Variants in AMBP observed in about 807,000 individuals in gnomAD.
AMBP encodes the protein alpha-1-microglobulin/bikunin precursor.
A neutral mutation model predicts 46.3 loss-of-function variants in AMBP; 37 were observed. The observed-to-expected ratio is 0.80, with a 90% CI of 0.61 to 1.05. The LOEUF is 1.05. AMBP is among the 50% of genes least tolerant of loss of function. AMBP has a pLI of 0.00. For synonymous variants in AMBP, 174 were observed against 175.9 expected, an observed-to-expected ratio of 0.99 and a Z score of 0.09; for missense variants, 475 against 461.2, an observed-to-expected ratio of 1.03 and a Z score of -0.27.
At chr9:114,069,583 C>G in intron 6 of AMBP, 116 bp downstream of exon 6, 1 of 1,030,648 alleles carries the variant, frequency 9.7e-7, no homozygotes, top group Non-Finnish European at 1.4e-6. Context: ...TCGCTGCCTT[C>G]TCTCACCCCC....
intron 6 of AMBP, 84 bp downstream of exon 6, chr9:114,069,615 C>A (rs1287294422): frequency 1.0e-5 from 14 of 1,356,630 alleles, no homozygotes; most frequent in Non-Finnish European, 1.0e-5. Flanking sequence ...CTGCCTCCCC[C>A]CGCAGCAGGA....
At position 114,061,087 on chromosome 9, in the gene AMBP, G is replaced by A; in HGVS notation, c.865C>T (p.Leu289Phe). 1 of 1,614,122 alleles carries A rather than the reference G, an allele frequency of 6.2e-7. No individual in the cohort carries two copies. Among genetic ancestry groups the A allele is most frequent in the Non-Finnish European group, 8.5e-7 (1 of 1,180,016 alleles). Residue 289 changes from leucine to phenylalanine, a missense_variant, in exon 9 of 10, where the codon CTC becomes TTC. By Grantham distance (22) the Leu-to-Phe change is conservative. Around this residue, in one of 3 missense-constraint regions of AMBP, gnomAD observed 293 missense variants for 276.9 expected, o/e 1.06. Coordinates refer to ENST00000265132, the MANE Select transcript of AMBP (RefSeq NM_001633.4). ...QTCRTVAACN[L>F]PIVRGPCRAF... ...CGGCAGGGGCCCCGGACTATGGGGAGATTGCAGGCCGCTGTGGAGTGGAGA... is the reference window on the plus strand; with the variant it reads ...CGGCAGGGGCCCCGGACTATGGGGAAATTGCAGGCCGCTGTGGAGTGGAGA...
rs1564374230 is a variant in AMBP at position 114,078,192 on chromosome 9, G to T, written c.18C>A (p.Ala6=). ...GGCAGGCGCTCAGCAGCAAGAGCAG[G>T]GCCCCGAGGCTCCTCATGGCTATGG... is the stretch of plus-strand genomic sequence containing the variant. MRSLG[A]LLLLLSACLA... The change falls in exon 1 of 10, where the codon GCC becomes GCA. Residue 6 remains alanine, a synonymous_variant. Transcript: ENST00000265132. 1.9e-6 allele frequency: 3 copies of T among 1,612,722 alleles called. No individual in the cohort carries two copies. Among genetic ancestry groups the T allele is most frequent in the Non-Finnish European group, 2.5e-6 (3 of 1,179,976 alleles).
intron 6 of AMBP, among the ~76,000 whole-genome samples, chr9:114,068,808 TA>T (rs34177397): frequency 0.3 from 28,671 of 97,102 alleles, 3,630 homozygotes; most frequent in Middle Eastern, 0.45. Flanking sequence ...GTGGTGAGAT[TA>T]AAAAAAAAAA....
chr9:114,060,903 GGCACCCT>G lies in AMBP; in HGVS notation c.1027+15_1027+21del. On this transcript the variant is annotated intron_variant, in intron 9 of 9. Transcript: ENST00000265132. ...CTCCAACAGCCCCTCGGCCCAGCCT[GGCACCCT>G]GCAGGGCTGCCTACCATCACCAGGG... 6.2e-7 allele frequency: 1 copy of G among 1,607,910 alleles called. No individual in the cohort carries two copies. The highest frequency in any genetic ancestry group is 8.5e-7 in the Non-Finnish European group (1 of 1,176,360).
intron 7 of AMBP, among the ~76,000 whole-genome samples, chr9:114,062,371 A>G (rs947281984): frequency 1.6e-4 from 25 of 152,198 alleles, no homozygotes; most frequent in Admixed American, 5.2e-4. Context: ...CCCACAGGCT[A>G]TTATCCCATA....
intron 8 of AMBP, 40 bp downstream of exon 8, chr9:114,061,384 T>A: frequency 6.2e-7 from 1 of 1,612,964 alleles, no homozygotes; most frequent in East Asian, 2.2e-5. Context: ...GACAGGGTCT[T>A]GAGGGTGCAG....
In AMBP at chr9:114,072,938, G is replaced by A. The variant is rs749144635; in HGVS notation, c.543C>T (p.Thr181=). ...GGTGCTATGTACCTCGGTCAGCCAT[G>A]GTGAAGATGGAGTCCTCAGGGATGC... The part of the protein sequence containing the change: ...GVGIPEDSIF[T]MADRGECVPG... The change falls in exon 5 of 10, where the codon ACC becomes ACT. Residue 181 remains threonine, a synonymous_variant. Coordinates refer to ENST00000265132, the MANE Select transcript of AMBP (RefSeq NM_001633.4). 6.2e-7 allele frequency: 1 copy of A among 1,613,884 alleles called. No homozygotes were observed. Among genetic ancestry groups the A allele is most frequent in the Admixed American group, 1.7e-5 (1 of 60,014 alleles).
chr9:114,072,815 G>C (rs574105223), intron 5 of AMBP, 110 bp downstream of exon 5: 15 of 878,774 alleles, frequency 1.7e-5, no homozygotes, highest in Middle Eastern at 5.3e-4. Context: ...AGGCTGTGGC[G>C]CCTTTTTATC....
Position 114,078,137 on chromosome 9 carries a change from G to A in AMBP, c.73C>T (p.Pro25Ser). 2.5e-6 allele frequency: 4 copies of A among 1,613,820 alleles called. No homozygotes were observed. The highest frequency in any genetic ancestry group is 3.4e-6 in the Non-Finnish European group (4 of 1,180,036). The change falls in exon 1 of 10, where the codon CCG becomes TCG. Residue 25 changes from proline to serine, a missense_variant. Around this residue, in one of 3 missense-constraint regions of AMBP, gnomAD observed 179 missense variants for 167.4 expected, o/e 1.07. Transcript: ENST00000265132. Reference sequence around the variant, plus strand: ...TCCTGCACTTGGATGTTGTCGGGCGGCGTTGGCACAGGGCCAGCGCTCACC... The same window carrying A: ...TCCTGCACTTGGATGTTGTCGGGCGACGTTGGCACAGGGCCAGCGCTCACC... ...LAVSAGPVPT[P>S]PDNIQVQENF... is the part of the protein sequence containing the mutation.
In AMBP at chr9:114,060,133, G is replaced by T; in HGVS notation, c.*106C>A. On this transcript the variant is annotated 3_prime_UTR_variant, in exon 10 of 10. Transcript: ENST00000265132. ...GAACAATGAGGACACAGAATTTCAG[G>T]AGTTTACAATTTAGTTTTTATTTGG... 8.4e-7 allele frequency: 1 copy of T among 1,189,722 alleles called. No individual in the cohort carries two copies. The highest frequency in any genetic ancestry group is 1.2e-6 in the Non-Finnish European group (1 of 847,950). 73.7% of individuals were successfully genotyped at this position (1,189,722 alleles called of 1,614,324 possible).
At chr9:114,068,340 C>T (rs1461701611) in intron 6 of AMBP, among the ~76,000 whole-genome samples, 3 of 152,124 alleles carry the variant, frequency 2.0e-5, no homozygotes, top group African/African-American at 7.2e-5. Context: ...TGACTCACGC[C>T]TGTAATCCCA....
chr9:114,068,995 G>A lies in AMBP; in HGVS notation c.603+704C>T, dbSNP rs1399722753. Among the ~76,000 whole-genome samples the A allele has an allele frequency of 2.0e-5, 3 of 151,698 alleles. No homozygotes were observed. The East Asian group carries it at 5.8e-4, about 29-fold the overall frequency. On this transcript the variant is annotated intron_variant, in intron 6 of 9. Transcript: ENST00000265132. ...GGAACAAGGACATTTTGTCTTTTGTGGGGGGTTTATAGTTTCGCAATTTTC... is the reference window on the plus strand; with the variant it reads ...GGAACAAGGACATTTTGTCTTTTGTAGGGGGTTTATAGTTTCGCAATTTTC...
intron 4 of AMBP, among the ~76,000 whole-genome samples, chr9:114,073,493 G>GT (rs59522385): frequency 0.058 from 6,229 of 107,134 alleles, 332 homozygotes; most frequent in African/African-American, 0.13. Flanking sequence ...CTCAATCCCT[G>GT]TTTTTTTTTT....
chr9:114,076,818 C>T (rs1588492359), intron 1 of AMBP, 78 bp from the exon 2 acceptor site: 2 of 1,500,764 alleles, frequency 1.3e-6, no homozygotes, highest in East Asian at 4.6e-5. Context: ...TGCTCCCCAC[C>T]CTCCACCTCC....
rs763874391 is a variant in AMBP at position 114,062,685 on chromosome 9, T to C, written c.677A>G (p.Lys226Arg). 1.9e-6 allele frequency: 3 copies of C among 1,613,804 alleles called. No homozygotes were observed. In the Admixed American group the frequency reaches 5.0e-5, roughly 27 times the overall value. The change falls in exon 7 of 10, where the codon AAG becomes AGG. Residue 226 changes from lysine (K) to arginine (R), a missense_variant. Transcript: ENST00000265132. Reference protein sequence around the residue: ...GGGQLVTEVTKKEDSCQLGYS... With the variant: ...GGGQLVTEVTRKEDSCQLGYS... ...AGGCAGGTGTTCATTACCTTCTTTC[T>C]TGGTGACTTCAGTTACCAGTTGCCC...
intron 6 of AMBP, among the ~76,000 whole-genome samples, chr9:114,065,781 A>T (rs1290489734): frequency 1.3e-5 from 2 of 152,150 alleles, no homozygotes; most frequent in Non-Finnish European, 2.9e-5. Context: ...GGAGTAAATG[A>T]CACCTCCCAT....
At chr9:114,064,745 G>T (rs1364673194) in intron 6 of AMBP, among the ~76,000 whole-genome samples, 3 of 151,920 alleles carry the variant, frequency 2.0e-5, no homozygotes, top group African/African-American at 7.3e-5. Flanking sequence ...CCAACTTAAA[G>T]CCAAAAACTT....
At chr9:114,064,408 AAAAT>A in intron 6 of AMBP, among the ~76,000 whole-genome samples, 1 of 152,328 alleles carries the variant, frequency 6.6e-6, no homozygotes, top group Non-Finnish European at 1.5e-5. Context: ...TTTTTTAAAA[AAAAT>A]AAAGGTAGAA....
Sources: allele counts gnomAD v4.1 joint callset (sites outside exome capture counted in the v4.1 genomes callset), GRCh38; gene constraint gnomAD v4.1.1; regional missense constraint gnomAD v4.1.1; transcripts MANE v1.5; gene names NCBI Gene and HGNC (gene_info 2026-07-23, HGNC 2026-07-21).